Variants in FUT9 observed in about 807,000 individuals in gnomAD.
The protein encoded by FUT9 is fucosyltransferase 9.
FUT9 carries 15 observed loss-of-function variants against 29.7 expected under a neutral mutation model. The observed-to-expected ratio is 0.51, with a 90% confidence interval of 0.34 to 0.78. The LOEUF is 0.78. Among genes scored for constraint, FUT9 ranks in the 30% least tolerant of loss-of-function variants. FUT9 has a pLI of 0.01. For synonymous variants in FUT9, 169 were observed against 153.7 expected (o/e 1.10, Z -0.74); for missense variants, 319 against 425.4 (o/e 0.75, Z 2.20).
chr6:96,127,630 G>A (rs562436216), intron 2 of FUT9, among the ~76,000 whole-genome samples: 4 of 152,218 alleles, frequency 2.6e-5, no homozygotes, highest in African/African-American at 9.6e-5. Context: ...AATAATGGCT[G>A]AACTAATTTA....
chr6:96,082,286 C>T (rs1771249939), intron 1 of FUT9, among the ~76,000 whole-genome samples: 4 of 151,580 alleles, frequency 2.6e-5, no homozygotes, highest in Admixed American at 1.3e-4. Context: ...TTAAAATTTG[C>T]CTTTCACATT....
intron 1 of FUT9, among the ~76,000 whole-genome samples, chr6:96,090,610 A>C (rs1300025283): frequency 1.3e-5 from 2 of 151,966 alleles, no homozygotes; most frequent in Admixed American, 1.3e-4. Flanking sequence ...CATCTCTGGT[A>C]AGATTGAGCA....
intron 1 of FUT9, among the ~76,000 whole-genome samples, chr6:96,020,255 T>C (rs1396728880): frequency 6.6e-6 from 1 of 152,174 alleles, no homozygotes; most frequent in Non-Finnish European, 1.5e-5. Flanking sequence ...TAGCATGTCA[T>C]GGACACTTCC....
chr6:96,046,965 C>T (rs1346444410), intron 1 of FUT9, among the ~76,000 whole-genome samples: 1 of 152,172 alleles, frequency 6.6e-6, no homozygotes, highest in Non-Finnish European at 1.5e-5. Flanking sequence ...TAATGCAATA[C>T]ACCCTAGTGA....
At chr6:96,069,597 C>T (rs1771020074) in intron 1 of FUT9, among the ~76,000 whole-genome samples, 1 of 150,084 alleles carries the variant, frequency 6.7e-6, no homozygotes, top group African/African-American at 2.5e-5. Context: ...AGTAGCTAAA[C>T]AGAACAAACT....
At chr6:96,096,785 C>G (rs559420900) in intron 1 of FUT9, among the ~76,000 whole-genome samples, 2 of 151,814 alleles carry the variant, frequency 1.3e-5, no homozygotes, top group South Asian at 4.2e-4. Flanking sequence ...CAACTCCACT[C>G]TACCCCAGCC....
intron 2 of FUT9, among the ~76,000 whole-genome samples, chr6:96,163,337 C>T (rs1225406941): frequency 1.4e-5 from 2 of 141,006 alleles, no homozygotes; most frequent in East Asian, 4.4e-4. Flanking sequence ...TTAAAGCAAA[C>T]TAAATATGGC....
chr6:96,076,250 C>A (rs1426439882), intron 1 of FUT9, among the ~76,000 whole-genome samples: 1 of 152,038 alleles, frequency 6.6e-6, no homozygotes, highest in African/African-American at 2.4e-5. Flanking sequence ...TATAGGAAGA[C>A]TATTTTGGGC....
intron 2 of FUT9, among the ~76,000 whole-genome samples, chr6:96,118,898 A>G (rs561916502): frequency 6.6e-6 from 1 of 152,260 alleles, no homozygotes; most frequent in East Asian, 1.9e-4. Context: ...AAAAATATTT[A>G]AAAATAGGAA....
At chr6:96,181,577 A>AACCCTCATCCCT (rs1223003835) in intron 2 of FUT9, among the ~76,000 whole-genome samples, 1 of 14,784 alleles carries the variant, frequency 6.8e-5, no homozygotes, top group Non-Finnish European at 1.3e-3. Flanking sequence ...GTAGTCTTTT[A>AACCCTCATCCCT]TCCCTCTCCT....
At chr6:96,140,988 A>G (rs531048282) in intron 2 of FUT9, among the ~76,000 whole-genome samples, 3 of 152,304 alleles carry the variant, frequency 2.0e-5, no homozygotes, top group Admixed American at 1.3e-4. Flanking sequence ...TAAAACAAAC[A>G]CTTCAGTTTC....
intron 2 of FUT9, among the ~76,000 whole-genome samples, chr6:96,183,733 G>A (rs1371975968): frequency 1.3e-5 from 2 of 151,938 alleles, no homozygotes; most frequent in Non-Finnish European, 2.9e-5. Flanking sequence ...CTGTTTATGT[G>A]TTGTATCACA....
intron 1 of FUT9, among the ~76,000 whole-genome samples, chr6:96,080,234 A>G (rs974772936): frequency 2.0e-5 from 3 of 151,844 alleles, no homozygotes; most frequent in African/African-American, 7.2e-5. Flanking sequence ...AAAAAAAGCC[A>G]GAAAGAATGA....
Position 96,175,238 on chromosome 6 carries a change from A to G in FUT9, c.-8-27910A>G, listed in dbSNP as rs1773183625. ...AGAAATGTTGGAGCTCATTAAAGAGAAAGAAACAGTGCTTCTCCAAGTCCA... is the reference window on the plus strand; with the variant it reads ...AGAAATGTTGGAGCTCATTAAAGAGGAAGAAACAGTGCTTCTCCAAGTCCA... On this transcript the variant is annotated intron_variant, in intron 2 of 2. Transcript: ENST00000302103. 2.6e-5 allele frequency among the ~76,000 whole-genome samples: 4 copies of G among 152,250 alleles called. No homozygotes were observed. In the South Asian group the frequency reaches 8.3e-4, roughly 32 times the overall value.
chr6:96,211,344 T>C lies in FUT9; in HGVS notation c.*7109T>C, dbSNP rs1466220988. 2 of 166,816 alleles carry C rather than the reference T, an allele frequency of 1.2e-5. No homozygotes were observed. The highest frequency in any genetic ancestry group is 4.8e-5 in the African/African-American group (2 of 41,414). The allele number at this position is 166,816 out of a possible 1,614,324, so 10.3% of individuals were successfully genotyped here. A position where few individuals can be genotyped will look rare whatever the true frequency, so the allele number is the denominator to read the frequency against. On this transcript the variant is annotated 3_prime_UTR_variant, in exon 3 of 3. Transcript: ENST00000302103. ...GTCAATTTAACTTATTATCAGTTGG[T>C]ATAGCGCATGTCACAGAATAGGATA...
chr6:96,094,637 G>A (rs1771465640), intron 1 of FUT9, among the ~76,000 whole-genome samples: 1 of 152,104 alleles, frequency 6.6e-6, no homozygotes, highest in Admixed American at 6.6e-5. Context: ...TGGATAAGTA[G>A]AAACTACTGT....
chr6:96,116,759 C>T (rs1771918834), intron 2 of FUT9, among the ~76,000 whole-genome samples: 1 of 151,962 alleles, frequency 6.6e-6, no homozygotes, highest in Admixed American at 6.6e-5. Context: ...AGATGGGAAG[C>T]AGATCAGTGG....
chr6:96,094,293 G>A (rs1293307272), intron 1 of FUT9, among the ~76,000 whole-genome samples: 1 of 152,102 alleles, frequency 6.6e-6, no homozygotes, highest in Non-Finnish European at 1.5e-5. Context: ...TTTGTAGCTA[G>A]CTGGCTTGGT....
chr6:96,111,198 G>A (rs1771799510), intron 1 of FUT9, among the ~76,000 whole-genome samples: 1 of 152,114 alleles, frequency 6.6e-6, no homozygotes, highest in Non-Finnish European at 1.5e-5. Flanking sequence ...AAAGACTGAT[G>A]TTAAACTATA....
Sources: allele counts gnomAD v4.1 joint callset (sites outside exome capture counted in the v4.1 genomes callset), GRCh38; gene constraint gnomAD v4.1.1; transcripts MANE v1.5; gene names NCBI Gene and HGNC (gene_info 2026-07-23, HGNC 2026-07-21).